IL20RA: variants seen among roughly 807,000 people sequenced by gnomAD.
IL20RA encodes interleukin-20 receptor subunit alpha.
In IL20RA, 29 loss-of-function variants were observed where a neutral mutation model predicts 36.5. That is an observed-to-expected ratio of 0.79 (90% confidence interval 0.59 to 1.08). The LOEUF (loss-of-function observed/expected upper bound fraction) is 1.08. IL20RA is among the 50% of genes least tolerant of loss of function. IL20RA has a pLI of 0.00. For synonymous variants in IL20RA, 279 were observed against 267.1 expected (o/e 1.04, Z -0.43); for missense variants, 652 against 668.4 (o/e 0.98, Z 0.27).
chr6:137,027,014 TG>T (rs1274019357), intron 1 of IL20RA, among the ~76,000 whole-genome samples: 36 of 152,156 alleles, frequency 2.4e-4, no homozygotes, highest in African/African-American at 8.7e-4. Context: ...CCTGAGTAGC[TG>T]GGGATTACAT....
intron 1 of IL20RA, among the ~76,000 whole-genome samples, chr6:137,023,005 G>A (rs1337155216): frequency 1.3e-5 from 2 of 152,156 alleles, no homozygotes; most frequent in African/African-American, 2.4e-5. Flanking sequence ...AAAGCAAACC[G>A]GTGGTACTTT....
At chr6:137,008,896 T>G in intron 4 of IL20RA, 153 bp from the exon 5 acceptor site, 1 of 388,810 alleles carries the variant, frequency 2.6e-6, no homozygotes, top group Non-Finnish European at 4.2e-6. Flanking sequence ...TCAGCAACAG[T>G]TTCAATATAC....
intron 4 of IL20RA, 162 bp downstream of exon 4, chr6:137,009,155 T>G: frequency 1.5e-6 from 1 of 672,758 alleles, no homozygotes; most frequent in Middle Eastern, 2.6e-4. Flanking sequence ...AAGTTAGTTC[T>G]GTAAAATTTC....
intron 1 of IL20RA, chr6:137,038,195 TTTTGTTCTCC>T (rs1776555378): frequency 6.6e-6 from 1 of 150,464 alleles, no homozygotes; most frequent in Non-Finnish European, 1.5e-5. Context: ...TCTATAGTTC[TTTTGTTCTCC>T]TTTTTTTTTT....
intron 1 of IL20RA, among the ~76,000 whole-genome samples, chr6:137,025,905 A>T (rs1776069283): frequency 6.6e-6 from 1 of 152,244 alleles, no homozygotes; most frequent in Non-Finnish European, 1.5e-5. Context: ...TAAGGTTCTC[A>T]GGGTGAACTC....
At chr6:137,012,483 C>T (rs770747595) in intron 2 of IL20RA, among the ~76,000 whole-genome samples, 11 of 152,282 alleles carry the variant, frequency 7.2e-5, no homozygotes, top group South Asian at 2.1e-4. Flanking sequence ...ATAAGATGTT[C>T]ACTTTTGATG....
At chr6:137,036,153 G>A (rs1776483433) in intron 1 of IL20RA, among the ~76,000 whole-genome samples, 1 of 152,198 alleles carries the variant, frequency 6.6e-6, no homozygotes, top group Non-Finnish European at 1.5e-5. Flanking sequence ...GAGGCTTTCA[G>A]CTCTCACCCT....
intron 2 of IL20RA, among the ~76,000 whole-genome samples, chr6:137,015,023 AAG>A (rs1406407292): frequency 6.6e-6 from 1 of 152,174 alleles, no homozygotes; most frequent in African/African-American, 2.4e-5. Flanking sequence ...TTTTCCTCAC[AAG>A]ATATATTCTG....
At chr6:137,006,047 C>T (rs1775265690) in intron 5 of IL20RA, among the ~76,000 whole-genome samples, 1 of 152,204 alleles carries the variant, frequency 6.6e-6, no homozygotes, top group Admixed American at 6.5e-5. Flanking sequence ...GCAGCTTCAG[C>T]ACAAATGACA....
At chr6:137,011,625 C>T (rs1018784597) in intron 2 of IL20RA, among the ~76,000 whole-genome samples, 173 bp from the exon 3 acceptor site, 3 of 152,152 alleles carry the variant, frequency 2.0e-5, no homozygotes, top group Non-Finnish European at 4.4e-5. Flanking sequence ...TTTTTTTCAT[C>T]AGCTGTCAGG....
At chr6:137,010,451 T>C (rs1385846733) in intron 3 of IL20RA, among the ~76,000 whole-genome samples, 1 of 152,186 alleles carries the variant, frequency 6.6e-6, no homozygotes, top group Non-Finnish European at 1.5e-5. Flanking sequence ...TTTAAAAATA[T>C]AAATACCATT....
At chr6:137,003,544 C>A (rs1775156364) in intron 6 of IL20RA, among the ~76,000 whole-genome samples, 1 of 152,158 alleles carries the variant, frequency 6.6e-6, no homozygotes, top group Non-Finnish European at 1.5e-5. Flanking sequence ...ATCTTCTCTC[C>A]CCTGGACAAA....
At chr6:137,028,870 C>G (rs1000312850) in intron 1 of IL20RA, among the ~76,000 whole-genome samples, 1 of 151,828 alleles carries the variant, frequency 6.6e-6, no homozygotes, top group Non-Finnish European at 1.5e-5. Context: ...AAAATTCAAT[C>G]TCATTTTTTA....
At chr6:137,007,531 C>T (rs746867195) in intron 5 of IL20RA, among the ~76,000 whole-genome samples, 3 of 151,492 alleles carry the variant, frequency 2.0e-5, no homozygotes, top group Non-Finnish European at 2.9e-5. Flanking sequence ...GATGAAGAGC[C>T]CTTCGATGCA....
chr6:137,013,239 T>TGAA (rs1775560051), intron 2 of IL20RA, among the ~76,000 whole-genome samples: 1 of 152,344 alleles, frequency 6.6e-6, no homozygotes, highest in African/African-American at 2.4e-5. Context: ...CTATTGCCAT[T>TGAA]GCCTATGTGG....
In IL20RA at chr6:137,001,369, T is replaced by G; in HGVS notation, c.*189A>C. On this transcript the variant is annotated 3_prime_UTR_variant, in exon 7 of 7. Coordinates refer to ENST00000316649, the MANE Select transcript of IL20RA (RefSeq NM_014432.4). ...CCTGGACTCCAGAGGCCCACCATCA[T>G]TGTTAAGAGACCTACATGCATGAAC... 2 of 476,042 alleles carry G rather than the reference T, an allele frequency of 4.2e-6. No individual in the cohort carries two copies. Among genetic ancestry groups the G allele is most frequent in the Non-Finnish European group, 3.6e-6 (1 of 275,768 alleles). The allele number at this position is 476,042 out of a possible 1,614,324, so 29.5% of individuals were successfully genotyped here.
At chr6:137,021,045 CT>C (rs59206489) in intron 1 of IL20RA, among the ~76,000 whole-genome samples, 117,370 of 146,750 alleles carry the variant, frequency 0.8, 52,095 homozygotes, top group South Asian at 0.99. Flanking sequence ...GTTTTGAAAC[CT>C]TTTTTTTTTT....
At chr6:137,012,257 T>C (rs1406250277) in intron 2 of IL20RA, among the ~76,000 whole-genome samples, 1 of 152,052 alleles carries the variant, frequency 6.6e-6, no homozygotes, top group Non-Finnish European at 1.5e-5. Flanking sequence ...ACAGGGGCAG[T>C]AGGATAAATA....
chr6:137,023,654 T>C (rs1051418825), intron 1 of IL20RA, among the ~76,000 whole-genome samples: 1 of 152,118 alleles, frequency 6.6e-6, no homozygotes, highest in Non-Finnish European at 1.5e-5. Flanking sequence ...AGTTTCAAAC[T>C]AGAAGTGGGA....
Sources: allele counts gnomAD v4.1 joint callset (sites outside exome capture counted in the v4.1 genomes callset), GRCh38; gene constraint gnomAD v4.1.1; transcripts MANE v1.5; gene names NCBI Gene and HGNC (gene_info 2026-07-23, HGNC 2026-07-21).